PLCG2: variants seen among roughly 807,000 people sequenced by gnomAD.
PLCG2 encodes the protein 1-phosphatidylinositol 4,5-bisphosphate phosphodiesterase gamma-2.
In PLCG2, 69 loss-of-function variants were observed where a neutral mutation model predicts 175.6. The observed-to-expected ratio is 0.39, with a 90% CI of 0.32 to 0.48. The LOEUF (loss-of-function observed/expected upper bound fraction) is 0.48, where lower values mean the gene tolerates loss of function less well. Ranked by LOEUF, PLCG2 falls within the 20% of genes least tolerant of loss-of-function variation. PLCG2 has a pLI of 0.91. For synonymous variants in PLCG2, 827 were observed against 624.0 expected, an observed-to-expected ratio of 1.33 and a Z score of -4.85; for missense variants, 1,798 against 1,650.9, an observed-to-expected ratio of 1.09 and a Z score of -1.54.
intron 1 of PLCG2, among the ~76,000 whole-genome samples, chr16:81,745,362 G>A (rs1268398845): frequency 6.6e-6 from 1 of 152,184 alleles, no homozygotes; most frequent in Non-Finnish European, 1.5e-5. Context: ...ATATCCCTTA[G>A]GGTAGTCACT....
intron 19 of PLCG2, among the ~76,000 whole-genome samples, chr16:81,914,817 C>T (rs1415381548): frequency 6.6e-6 from 1 of 152,186 alleles, no homozygotes; most frequent in African/African-American, 2.4e-5. Flanking sequence ...GTGAATCAAT[C>T]AGCAAGGATG....
At chr16:81,753,757 A>C (rs1909862091) in intron 1 of PLCG2, among the ~76,000 whole-genome samples, 1 of 152,196 alleles carries the variant, frequency 6.6e-6, no homozygotes, top group Admixed American at 6.5e-5. Flanking sequence ...GACAGATGCC[A>C]CAGCCACTAA....
chr16:81,756,792 A>G (rs1379686825), intron 2 of PLCG2, among the ~76,000 whole-genome samples: 2 of 152,218 alleles, frequency 1.3e-5, no homozygotes, highest in Non-Finnish European at 2.9e-5. Context: ...AGATGTGTCT[A>G]CTGCACAGCC....
intron 20 of PLCG2, among the ~76,000 whole-genome samples, chr16:81,920,703 G>C (rs1406360564): frequency 6.6e-6 from 1 of 152,126 alleles, no homozygotes; most frequent in Non-Finnish European, 1.5e-5. Flanking sequence ...TGGTGGGGGT[G>C]GATCTTGTCA....
chr16:81,838,180 G>A (rs112101745), intron 2 of PLCG2, among the ~76,000 whole-genome samples: 4 of 151,836 alleles, frequency 2.6e-5, no homozygotes, highest in African/African-American at 9.7e-5. Flanking sequence ...CTGGGTTCAA[G>A]TGATTCTCTT....
intron 7 of PLCG2, among the ~76,000 whole-genome samples, chr16:81,877,489 C>G (rs1490135149): frequency 6.6e-6 from 1 of 152,196 alleles, no homozygotes; most frequent in Non-Finnish European, 1.5e-5. Flanking sequence ...GAAGTTTATT[C>G]CCTCACTGTA....
At chr16:81,815,504 T>C (rs979927503) in intron 2 of PLCG2, among the ~76,000 whole-genome samples, 1 of 152,142 alleles carries the variant, frequency 6.6e-6, no homozygotes, top group African/African-American at 2.4e-5. Flanking sequence ...ACTGCCATGG[T>C]TGGGGGCTGT....
At chr16:81,805,639 C>T in intron 2 of PLCG2, among the ~76,000 whole-genome samples, 1 of 152,014 alleles carries the variant, frequency 6.6e-6, no homozygotes, top group Non-Finnish European at 1.5e-5. Flanking sequence ...CCCCACCCCA[C>T]TCACAATGCT....
At chr16:81,754,619 G>T (rs181752783) in intron 1 of PLCG2, among the ~76,000 whole-genome samples, 1 of 150,732 alleles carries the variant, frequency 6.6e-6, no homozygotes, top group East Asian at 2.0e-4. Flanking sequence ...AGGTGTAGGT[G>T]CTCAATACTT....
chr16:81,867,832 G>T (rs1907318946), intron 5 of PLCG2, among the ~76,000 whole-genome samples: 1 of 152,122 alleles, frequency 6.6e-6, no homozygotes, highest in Admixed American at 6.5e-5. Context: ...TGAGTAGCTG[G>T]GACTACAGGC....
intron 22 of PLCG2, among the ~76,000 whole-genome samples, chr16:81,925,762 C>A (rs745946202): frequency 2.6e-5 from 4 of 152,132 alleles, no homozygotes; most frequent in Non-Finnish European, 4.4e-5. Flanking sequence ...GTGGCCCATG[C>A]CATAATCCCA....
At chr16:81,935,600 G>A (rs1292113398) in intron 26 of PLCG2, 3 of 985,086 alleles carry the variant, frequency 3.0e-6, no homozygotes, top group African/African-American at 1.7e-5. Context: ...CAGTCCCTAG[G>A]AACTTCTACC....
chr16:81,774,726 A>C (rs962762011), upstream of PLCG2, among the ~76,000 whole-genome samples: 5 of 151,216 alleles, frequency 3.3e-5, no homozygotes, highest in Non-Finnish European at 7.4e-5. Context: ...TCTGGGTTTG[A>C]AATAACCCTC....
intron 9 of PLCG2, among the ~76,000 whole-genome samples, chr16:81,886,359 A>G (rs1336414848): frequency 2.6e-5 from 4 of 152,242 alleles, no homozygotes; most frequent in African/African-American, 4.8e-5. Context: ...TGTTGGTCAC[A>G]CAGATGCTCA....
intron 2 of PLCG2, among the ~76,000 whole-genome samples, chr16:81,837,187 G>A (rs965181266): frequency 2.0e-5 from 3 of 152,244 alleles, no homozygotes; most frequent in African/African-American, 7.2e-5. Flanking sequence ...TATACATGCA[G>A]TGCTGCTTCA....
intron 2 of PLCG2, among the ~76,000 whole-genome samples, chr16:81,798,310 G>C (rs559038807): frequency 3.9e-5 from 6 of 152,154 alleles, no homozygotes; most frequent in African/African-American, 1.4e-4. Flanking sequence ...TTGTGTTTGC[G>C]TGGGGGACAT....
At chr16:81,848,062 G>A (rs1013851148) in intron 2 of PLCG2, among the ~76,000 whole-genome samples, 3 of 152,206 alleles carry the variant, frequency 2.0e-5, no homozygotes, top group East Asian at 1.9e-4. Context: ...ATTGTAGAAC[G>A]AAATCAGAGG....
intron 14 of PLCG2, among the ~76,000 whole-genome samples, chr16:81,901,731 A>G (rs1909159992): frequency 6.6e-6 from 1 of 152,342 alleles, no homozygotes; most frequent in South Asian, 2.1e-4. Context: ...AGTTATTGCA[A>G]ATATTTCAAA....
chr16:81,927,630 A>G lies in PLCG2; in HGVS notation c.2514+452A>G, dbSNP rs186877828. ...GTTGTTCCCTCGCCGCCTCTTGTTT[A>G]GAGAGCAGCCACTTTCAGCGTGCTA... On this transcript the variant is annotated intron_variant, in intron 23 of 32. Transcript: ENST00000564138. Among the ~76,000 whole-genome samples, 246 of 152,286 alleles carry G rather than the reference A, an allele frequency of 1.6e-3. 2 individuals are homozygous for G. The highest frequency in any genetic ancestry group is 5.5e-3 in the Admixed American group (84 of 15,298).
Sources: gnomAD v4.1 joint callset for allele counts (sites outside exome capture counted in the v4.1 genomes callset) on GRCh38, gnomAD v4.1.1 for gene constraint, MANE v1.5 for transcripts, NCBI Gene and HGNC (gene_info 2026-07-23, HGNC 2026-07-21) for gene names.